The following TAS2R1 variants were observed in gnomAD, a reference collection of about 807,000 sequenced individuals.
TAS2R1 encodes taste receptor type 2 member 1.
For missense variants in TAS2R1, 370 were observed against 353.4 expected (o/e 1.05, Z -0.38); for synonymous variants, 141 against 134.2 (o/e 1.05, Z -0.35).
the TAS2R1 span, among the ~76,000 whole-genome samples, chr5:9,840,602 T>C: frequency 1.3e-5 from 2 of 152,042 alleles, no homozygotes; most frequent in African/African-American, 4.8e-5. Context: ...TATATTCCTA[T>C]ATATTTTAGA....
the TAS2R1 span, among the ~76,000 whole-genome samples, chr5:9,881,164 C>T: frequency 1.3e-5 from 2 of 151,980 alleles, no homozygotes; most frequent in Admixed American, 1.3e-4. Flanking sequence ...TCTCAGGATA[C>T]AAAATCAATG....
At chr5:9,678,775 C>T (rs1336894420) in intron 1 of TAS2R1, among the ~76,000 whole-genome samples, 1 of 151,976 alleles carries the variant, frequency 6.6e-6, no homozygotes, top group Admixed American at 6.6e-5. Context: ...ACACTGGAGC[C>T]TGTTGGGGGG....
chr5:9,664,859 A>G (rs192231724), intron 1 of TAS2R1, among the ~76,000 whole-genome samples: 2 of 152,318 alleles, frequency 1.3e-5, no homozygotes, highest in East Asian at 3.9e-4. Flanking sequence ...ATTTCATTTA[A>G]TCTTCAGGGA....
At chr5:9,781,118 C>T in the TAS2R1 span, among the ~76,000 whole-genome samples, 1 of 152,204 alleles carries the variant, frequency 6.6e-6, no homozygotes, top group Non-Finnish European at 1.5e-5. Flanking sequence ...ATCCATGTAC[C>T]ATGACCCTGA....
At chr5:9,664,839 G>T (rs925665481) in intron 1 of TAS2R1, among the ~76,000 whole-genome samples, 1 of 151,978 alleles carries the variant, frequency 6.6e-6, no homozygotes, top group African/African-American at 2.4e-5. Flanking sequence ...ACTATGTTTC[G>T]GGCACCATGA....
chr5:9,803,614 A>T, the TAS2R1 span, among the ~76,000 whole-genome samples: 1 of 152,226 alleles, frequency 6.6e-6, no homozygotes, highest in African/African-American at 2.4e-5. Context: ...AGCAAATATC[A>T]GCCAAGAATT....
At chr5:9,881,927 C>A in the TAS2R1 span, among the ~76,000 whole-genome samples, 1 of 152,112 alleles carries the variant, frequency 6.6e-6, no homozygotes, top group South Asian at 2.1e-4. Flanking sequence ...CTGGGCAATA[C>A]CATTCAGGAC....
chr5:9,716,207 C>A (rs1056095812), upstream of TAS2R1, among the ~76,000 whole-genome samples: 1 of 152,110 alleles, frequency 6.6e-6, no homozygotes, highest in Non-Finnish European at 1.5e-5. Context: ...GGAGGAGCCT[C>A]GGGAAGTCTG....
At chr5:9,755,358 C>CAGGT in the TAS2R1 span, among the ~76,000 whole-genome samples, 157 of 152,220 alleles carry the variant, frequency 1.0e-3, 1 homozygote, top group South Asian at 0.031. Flanking sequence ...GAGGCTGAGG[C>CAGGT]AGGTGGATTG....
chr5:9,897,426 G>A, the TAS2R1 span, among the ~76,000 whole-genome samples: 1 of 152,324 alleles, frequency 6.6e-6, no homozygotes, highest in East Asian at 1.9e-4. Context: ...TCCAGTCTGG[G>A]TGACAGAGCA....
the TAS2R1 span, among the ~76,000 whole-genome samples, chr5:9,817,863 G>A: frequency 1.3e-5 from 2 of 151,500 alleles, no homozygotes; most frequent in African/African-American, 4.9e-5. Flanking sequence ...ATGGAGGCAG[G>A]AGAGCGAGAG....
At chr5:9,831,666 G>A in the TAS2R1 span, among the ~76,000 whole-genome samples, 1 of 151,510 alleles carries the variant, frequency 6.6e-6, no homozygotes, top group Non-Finnish European at 1.5e-5. Flanking sequence ...GAAAAACTAG[G>A]CTTATTATAC....
the TAS2R1 span, among the ~76,000 whole-genome samples, chr5:9,885,600 A>G: frequency 6.6e-6 from 1 of 152,240 alleles, no homozygotes; most frequent in African/African-American, 2.4e-5. Flanking sequence ...GGGGGGAAAA[A>G]GAAGCTAAAG....
chr5:9,866,082 C>T, the TAS2R1 span, among the ~76,000 whole-genome samples: 3 of 152,128 alleles, frequency 2.0e-5, no homozygotes, highest in African/African-American at 7.2e-5. Flanking sequence ...TACATTGAGA[C>T]TTTTTATCTC....
the TAS2R1 span, among the ~76,000 whole-genome samples, chr5:9,839,685 T>C: frequency 1.3e-5 from 2 of 152,258 alleles, no homozygotes; most frequent in East Asian, 1.9e-4. Flanking sequence ...ATGAGAGGCA[T>C]TGAGCGTTTT....
chr5:9,633,319 T>TATATATATATATATATATAC (rs1475834697), upstream of TAS2R1, among the ~76,000 whole-genome samples: 6 of 137,500 alleles, frequency 4.4e-5, no homozygotes, highest in East Asian at 2.4e-4. Flanking sequence ...TATATATATA[T>TATATATATATATATATATAC]ACACAAATGT....
the TAS2R1 span, among the ~76,000 whole-genome samples, chr5:9,772,845 A>T: frequency 1.3e-5 from 2 of 151,896 alleles, no homozygotes; most frequent in South Asian, 4.1e-4. Flanking sequence ...ACTTGCATGG[A>T]ATATCTTTTT....
At chr5:9,631,753 A>G (rs1250043462), upstream of TAS2R1, among the ~76,000 whole-genome samples, 1 of 152,224 alleles carries the variant, frequency 6.6e-6, no homozygotes, top group East Asian at 1.9e-4. Flanking sequence ...AGAAAACTGG[A>G]AGGGAAGTCA....
At chr5:9,686,871 T>C (rs575428346) in intron 1 of TAS2R1, among the ~76,000 whole-genome samples, 76 of 152,382 alleles carry the variant, frequency 5.0e-4, no homozygotes, top group African/African-American at 1.7e-3. Context: ...ATATTTATCA[T>C]ACAGAAAATG....
Sources: gnomAD v4.1 joint callset for allele counts (sites outside exome capture counted in the v4.1 genomes callset) on GRCh38, gnomAD v4.1.1 for gene constraint, MANE v1.5 for transcripts, NCBI Gene and HGNC (gene_info 2026-07-23, HGNC 2026-07-21) for gene names.